DOCK1: variants seen among roughly 807,000 people sequenced by gnomAD.
DOCK1 encodes the protein dedicator of cytokinesis 1, also known as dedicator of cytokinesis protein 1.
Under a neutral mutation model 262.7 loss-of-function variants are expected in DOCK1, and 138 were observed. That is an observed-to-expected ratio of 0.53 (90% CI 0.46 to 0.61). DOCK1 has a LOEUF of 0.61. Ranked by LOEUF, DOCK1 falls within the 20% of genes least tolerant of loss-of-function variation. DOCK1 has a pLI of 0.00. For missense variants in DOCK1, 1,908 were observed against 2,370.7 expected (o/e 0.80, Z 4.05); for synonymous variants, 866 against 867.4 (o/e 1.00, Z 0.03).
chr10:127,019,910 C>A (rs887993785), intron 13 of DOCK1, among the ~76,000 whole-genome samples: 7 of 152,208 alleles, frequency 4.6e-5, no homozygotes, highest in Admixed American at 1.3e-4. Flanking sequence ...CTTTTATAGG[C>A]CTGTGCTGTA....
At chr10:127,235,095 TTATA>T (rs967027920) in intron 27 of DOCK1, among the ~76,000 whole-genome samples, 3 of 149,870 alleles carry the variant, frequency 2.0e-5, no homozygotes, top group Admixed American at 6.7e-5. Context: ...ATAGAATACT[TTATA>T]TATGTATACT....
At chr10:127,387,755 T>C (rs908482079) in intron 38 of DOCK1, among the ~76,000 whole-genome samples, 2 of 151,976 alleles carry the variant, frequency 1.3e-5, no homozygotes, top group Non-Finnish European at 2.9e-5. Context: ...AATGAACAAA[T>C]GAATGAAAAG....
Position 127,383,929 on chromosome 10 carries a change from T to C in DOCK1, c.3808-861T>C, listed in dbSNP as rs150026562. 2.6e-5 allele frequency among the ~76,000 whole-genome samples: 4 copies of C among 152,242 alleles called. No individual in the cohort carries two copies. In the East Asian group the frequency reaches 7.7e-4, roughly 29 times the overall value. The stretch of plus-strand genomic sequence containing the variant: ...CTTGTTCTGTTTTTTTTTCTTCTTC[T>C]TCCTGTAGAAGGGTCTTGCTCTGTT... On this transcript the variant is annotated intron_variant, in intron 37 of 51. Transcript: ENST00000623213.
intron 47 of DOCK1, among the ~76,000 whole-genome samples, chr10:127,428,709 G>C (rs2069008626): frequency 6.7e-6 from 1 of 148,164 alleles, no homozygotes. Flanking sequence ...TGTGTGGACT[G>C]TGTCATGTGG....
At chr10:127,017,662 G>C (rs184294167) in intron 12 of DOCK1, among the ~76,000 whole-genome samples, 1 of 152,314 alleles carries the variant, frequency 6.6e-6, no homozygotes, top group South Asian at 2.1e-4. Flanking sequence ...GAGGACAGAG[G>C]CTTTGATGTT....
At chr10:127,236,503 T>G (rs1252326026) in intron 27 of DOCK1, among the ~76,000 whole-genome samples, 2 of 109,610 alleles carry the variant, frequency 1.8e-5, no homozygotes, top group African/African-American at 6.3e-5. Flanking sequence ...GACACGGGTT[T>G]TTTTTTTTTT....
At chr10:127,354,589 T>C (rs2064044901) in intron 31 of DOCK1, 80 bp from the exon 32 acceptor site, 1 of 1,554,636 alleles carries the variant, frequency 6.4e-7, no homozygotes, top group Middle Eastern at 1.7e-4. Context: ...AAGGCTTTAA[T>C]TGCACTTAAA....
At chr10:126,916,182 A>G (rs2032470489) in intron 1 of DOCK1, among the ~76,000 whole-genome samples, 1 of 152,184 alleles carries the variant, frequency 6.6e-6, no homozygotes, top group Admixed American at 6.5e-5. Flanking sequence ...GGCATATCCT[A>G]GCACATCTGT....
At chr10:126,938,309 A>G (rs1387080159) in intron 1 of DOCK1, among the ~76,000 whole-genome samples, 3 of 152,242 alleles carry the variant, frequency 2.0e-5, no homozygotes, top group African/African-American at 7.2e-5. Context: ...CAGCATCCCA[A>G]AGTGCTGGGA....
At chr10:126,961,760 GGTTA>G (rs1156505544) in intron 1 of DOCK1, among the ~76,000 whole-genome samples, 1 of 152,116 alleles carries the variant, frequency 6.6e-6, no homozygotes, top group Non-Finnish European at 1.5e-5. Context: ...TGGAAACTTG[GGTTA>G]GTTCCACTTT....
chr10:127,096,240 C>T (rs930830908), intron 23 of DOCK1, among the ~76,000 whole-genome samples: 9 of 152,256 alleles, frequency 5.9e-5, no homozygotes, highest in South Asian at 4.1e-4. Flanking sequence ...TTTCTTCAGC[C>T]GCCTCCGACC....
chr10:127,235,843 G>A (rs991444089), intron 27 of DOCK1, among the ~76,000 whole-genome samples: 1 of 151,678 alleles, frequency 6.6e-6, no homozygotes, highest in Non-Finnish European at 1.5e-5. Context: ...TTTCAGTGTG[G>A]TTTTAACTTG....
At chr10:127,290,380 A>C (rs2061309251) in intron 29 of DOCK1, among the ~76,000 whole-genome samples, 1 of 152,288 alleles carries the variant, frequency 6.6e-6, no homozygotes, top group Non-Finnish European at 1.5e-5. Context: ...AGGTCGTGGT[A>C]GTTTTGAGTG....
At chr10:127,323,827 C>T (rs2062640588) in intron 29 of DOCK1, among the ~76,000 whole-genome samples, 1 of 152,236 alleles carries the variant, frequency 6.6e-6, no homozygotes, top group Non-Finnish European at 1.5e-5. Context: ...CCCCCTTCTC[C>T]TTCATGGGAA....
chr10:127,255,625 G>A (rs2059804280), intron 28 of DOCK1, among the ~76,000 whole-genome samples: 1 of 152,180 alleles, frequency 6.6e-6, no homozygotes, highest in Admixed American at 6.5e-5. Context: ...ACTAGATGCA[G>A]CATTTTGTTT....
intron 23 of DOCK1, among the ~76,000 whole-genome samples, chr10:127,083,389 G>T (rs2047018738): frequency 6.6e-6 from 1 of 152,182 alleles, no homozygotes; most frequent in Non-Finnish European, 1.5e-5. Flanking sequence ...AGCCTTGAGG[G>T]CGTGCTTGGG....
At chr10:126,934,757 T>TTG (rs2034446908) in intron 1 of DOCK1, among the ~76,000 whole-genome samples, 1 of 105,164 alleles carries the variant, frequency 9.5e-6, no homozygotes, top group South Asian at 3.5e-4. Flanking sequence ...GTTTTTTTTT[T>TTG]TTTTTTTTTT....
rs1266399361 is a variant in DOCK1 at position 127,012,762 on chromosome 10, T to C, written c.1201+388T>C. Among the ~76,000 whole-genome samples, 1 of 151,886 alleles carries C rather than the reference T, an allele frequency of 6.6e-6. No individual in the cohort carries two copies. Among genetic ancestry groups the C allele is most frequent in the Non-Finnish European group, 1.5e-5 (1 of 67,936 alleles). On this transcript the variant is annotated intron_variant, in intron 12 of 51. Coordinates refer to ENST00000623213, the MANE Select transcript of DOCK1 (RefSeq NM_001290223.2). The surrounding 1 kb of genome is among the most constrained non-coding windows in gnomAD (Gnocchi z 4.0). The stretch of plus-strand genomic sequence containing the variant: ...AGACTTGCTCCCCTGAGTTCTGTCA[T>C]TTAAGTGATTTCTCCGCCCCTACAC...
intron 32 of DOCK1, among the ~76,000 whole-genome samples, chr10:127,355,148 T>TTGTATTTAGGTACACTGTC (rs146792264): frequency 6.6e-6 from 1 of 151,922 alleles, no homozygotes; most frequent in Non-Finnish European, 1.5e-5. Flanking sequence ...AAACCAGATC[T>TTGTATTTAGGTACACTGTC]ACCTGGTGGC....
Sources: allele counts gnomAD v4.1 joint callset (sites outside exome capture counted in the v4.1 genomes callset), GRCh38; gene constraint gnomAD v4.1.1; non-coding constraint Gnocchi (gnomAD v3.1); transcripts MANE v1.5; gene names NCBI Gene and HGNC (gene_info 2026-07-23, HGNC 2026-07-21).